CARD14: variants seen among roughly 807,000 people sequenced by gnomAD.
The protein encoded by CARD14 is caspase recruitment domain family member 14.
A neutral mutation model predicts 111.5 loss-of-function variants in CARD14; 107 were observed. The ratio of observed to expected loss-of-function variants is 0.96; its 90% CI spans 0.82 to 1.13. The LOEUF (loss-of-function observed/expected upper bound fraction) is 1.13, where lower values mean the gene tolerates loss of function less well. Ranked by LOEUF, CARD14 falls within the 50% of genes most tolerant of loss-of-function variation. CARD14 has a pLI of 0.00. For missense variants in CARD14, 1,322 were observed against 1,362.3 expected (o/e 0.97, Z 0.47); for synonymous variants, 617 against 579.6 (o/e 1.06, Z -0.93).
chr17:80,201,744 G>T lies in CARD14; in HGVS notation c.1852G>T (p.Val618Phe). 6.2e-7 allele frequency: 1 copy of T among 1,614,028 alleles called. No homozygotes were observed. The highest frequency in any genetic ancestry group is 8.5e-7 in the Non-Finnish European group (1 of 1,179,970). Residue 618 changes from valine to phenylalanine, a missense_variant and splice_region_variant, in exon 17 of 24, where the codon GTT (valine) becomes TTT (phenylalanine). By Grantham distance (50) the Val-to-Phe change is conservative. Transcript: ENST00000648509. The surrounding 1 kb of genome is among the most constrained non-coding windows in gnomAD (Gnocchi z 5.0). ...ALRPGTQIVM[V>F]DYEASEPLFK... ...ACTGACCTTCTCGACTTGCCCTCAGGTTGATTACGAAGCCTCAGAGCCCTT... is the reference window on the plus strand; with the variant it reads ...ACTGACCTTCTCGACTTGCCCTCAGTTTGATTACGAAGCCTCAGAGCCCTT...
intron 7 of CARD14, chr17:80,187,895 T>G: frequency 1.0e-6 from 1 of 985,636 alleles, no homozygotes; most frequent in South Asian, 4.7e-5. Context: ...AGCTTTGCTG[T>G]CTGAACAGCC....
intron 23 of CARD14, among the ~76,000 whole-genome samples, chr17:80,207,854 C>T (rs569089916): frequency 2.9e-4 from 44 of 151,174 alleles, no homozygotes; most frequent in Non-Finnish European, 4.9e-4. Flanking sequence ...TAATCCTTGT[C>T]GGCTAAGGAC....
At chr17:80,190,970 A>G in intron 10 of CARD14, 71 bp downstream of exon 10, 8 of 1,560,912 alleles carry the variant, frequency 5.1e-6, no homozygotes, top group Non-Finnish European at 6.9e-6. Flanking sequence ...TTCCGGGGAC[A>G]GTCTCGTGGC....
chr17:80,205,097 C>T lies in CARD14; in HGVS notation c.2461C>T (p.Pro821Ser). ...CCTGGTGCCCTATACCCTGGTGCGG[C>T]CCCATCGACCCGCCCGGCCCCGGCC... ...LTLVPYTLVR[P>S]HRPARPRPVL... Residue 821 changes from proline (P) to serine (S), a missense_variant, in exon 21 of 24, where the codon CCC becomes TCC. By Grantham distance (74) the Pro-to-Ser change is moderately conservative. Transcript: ENST00000648509. 1.2e-6 allele frequency: 2 copies of T among 1,613,352 alleles called. No individual in the cohort carries two copies. The highest frequency in any genetic ancestry group is 1.7e-6 in the Non-Finnish European group (2 of 1,179,810).
At chr17:80,200,061 C>T (rs902297807) in intron 16 of CARD14, among the ~76,000 whole-genome samples, 11 of 151,696 alleles carry the variant, frequency 7.3e-5, no homozygotes, top group East Asian at 1.9e-4. Flanking sequence ...GGAGAGGATG[C>T]GTCTGAACCC....
chr17:80,190,391 T>C (rs1255267876), intron 9 of CARD14, among the ~76,000 whole-genome samples: 5 of 151,906 alleles, frequency 3.3e-5, no homozygotes, highest in Non-Finnish European at 7.4e-5. Flanking sequence ...GGCAGGCGGA[T>C]CACTTGAGGT....
At position 80,189,308 on chromosome 17, in the gene CARD14, T is replaced by C. The variant is rs1304402423; in HGVS notation, c.844-445T>C. Among the ~76,000 whole-genome samples, 1 of 152,162 alleles carries C rather than the reference T, an allele frequency of 6.6e-6. No homozygotes were observed. The highest frequency in any genetic ancestry group is 1.9e-4 in the East Asian group (1 of 5,192). On this transcript the variant is annotated intron_variant, in intron 8 of 23. Transcript: ENST00000648509. The surrounding 1 kb of genome is among the most constrained non-coding windows in gnomAD (Gnocchi z 4.7). ...CTCCTCCTCGGCCCCTCTCAGTAGATTGGTATTTATTGAGATATTCCTTCC... is the reference window on the plus strand; with the variant it reads ...CTCCTCCTCGGCCCCTCTCAGTAGACTGGTATTTATTGAGATATTCCTTCC...
chr17:80,201,634 C>G lies in CARD14; in HGVS notation c.1852-110C>G. 8.6e-7 allele frequency: 1 copy of G among 1,160,236 alleles called. No homozygotes were observed. The highest frequency in any genetic ancestry group is 1.3e-6 in the Non-Finnish European group (1 of 776,668). The allele number at this position is 1,160,236 out of a possible 1,614,324, so 71.9% of individuals were successfully genotyped here. On this transcript the variant is annotated intron_variant, in intron 16 of 23. Coordinates refer to ENST00000648509, the MANE Select transcript of CARD14 (RefSeq NM_001366385.1). The surrounding 1 kb of genome is among the most constrained non-coding windows in gnomAD (Gnocchi z 5.0). Reference sequence around the variant, plus strand: ...TGACCAAGGCGTGCAGGCAGTGGTCCTACGGCAGGGCTGGCCCGCGCCTCG... The same window carrying G: ...TGACCAAGGCGTGCAGGCAGTGGTCGTACGGCAGGGCTGGCCCGCGCCTCG...
At chr17:80,194,427 G>A (rs2040637492) in intron 12 of CARD14, among the ~76,000 whole-genome samples, 1 of 152,206 alleles carries the variant, frequency 6.6e-6, no homozygotes, top group Non-Finnish European at 1.5e-5. Flanking sequence ...ACATCTGGTG[G>A]CCTCAGCGCC....
At chr17:80,187,993 C>T in intron 7 of CARD14, 1 of 986,428 alleles carries the variant, frequency 1.0e-6, no homozygotes, top group Non-Finnish European at 1.2e-6. Context: ...TCCAAATTCC[C>T]TTTCTTGATG....
chr17:80,205,013 C>G (rs1237882781), intron 20 of CARD14, 22 bp from the exon 21 acceptor site: 2 of 1,538,042 alleles, frequency 1.3e-6, no homozygotes, highest in African/African-American at 1.4e-5. Context: ...CTCACCCACC[C>G]TCAGGATCCT....
chr17:80,208,606 A>G lies in CARD14; in HGVS notation c.*261A>G, dbSNP rs2041484973. The G allele has an allele frequency of 2.4e-6, 1 of 418,516 alleles. No individual in the cohort carries two copies. 25.9% of individuals were successfully genotyped at this position (418,516 alleles called of 1,614,324 possible). ...ATGGTCTGAACTGGAAACCCTGAGAATGTTTCTGCAGTGGGACAGGAGGGA... is the reference window on the plus strand; with the variant it reads ...ATGGTCTGAACTGGAAACCCTGAGAGTGTTTCTGCAGTGGGACAGGAGGGA... On this transcript the variant is annotated 3_prime_UTR_variant, in exon 24 of 24. Transcript: ENST00000648509.
intron 1 of CARD14, among the ~76,000 whole-genome samples, chr17:80,171,372 G>C (rs1444481548): frequency 1.3e-5 from 2 of 149,490 alleles, no homozygotes; most frequent in Non-Finnish European, 3.0e-5. Flanking sequence ...AGGCTGGAGG[G>C]CAGTGGCACA....
chr17:80,199,312 ACC>A (rs1283669803), intron 16 of CARD14, among the ~76,000 whole-genome samples: 1 of 151,152 alleles, frequency 6.6e-6, no homozygotes, highest in Non-Finnish European at 1.5e-5. Context: ...ACACGGCGAA[ACC>A]CCGTCTCTAC....
intron 7 of CARD14, chr17:80,187,900 A>G: frequency 1.0e-6 from 1 of 985,680 alleles, no homozygotes. Context: ...TGCTGTCTGA[A>G]CAGCCCCGGT....
At position 80,189,810 on chromosome 17, in the gene CARD14, C is replaced by G; in HGVS notation, c.901C>G (p.Leu301Val). ...LDEARGSRQE[L>V]VERIHSLRER... ...CGAGGCGCGGGGGAGCCGACAGGAGCTGGTGGAGCGCATCCACTCGCTGCG... is the reference window on the plus strand; with the variant it reads ...CGAGGCGCGGGGGAGCCGACAGGAGGTGGTGGAGCGCATCCACTCGCTGCG... The change falls in exon 9 of 24, where the codon CTG becomes GTG. Residue 301 changes from leucine (L) to valine (V), a missense_variant. Transcript: ENST00000648509. The surrounding 1 kb of genome is among the most constrained non-coding windows in gnomAD (Gnocchi z 4.7). 1 of 1,583,890 alleles carries G rather than the reference C, an allele frequency of 6.3e-7. No individual in the cohort carries two copies. The highest frequency in any genetic ancestry group is 2.3e-5 in the East Asian group (1 of 42,572).
chr17:80,204,146 TG>T lies in CARD14; in HGVS notation c.2284-80del, dbSNP rs1474661901. 5.0e-6 allele frequency: 7 copies of T among 1,393,200 alleles called. No individual in the cohort carries two copies. In the African/African-American group the frequency reaches 1.0e-4, roughly 20 times the overall value. The allele number at this position is 1,393,200 out of a possible 1,614,324, so 86.3% of individuals were successfully genotyped here. Reference sequence around the variant, plus strand: ...CTGCATCACTCCCAGGTCGCCCTAGTGCCAATCATCTCCCCTGAATTCCCAT... The same window carrying T: ...CTGCATCACTCCCAGGTCGCCCTAGTCCAATCATCTCCCCTGAATTCCCAT... On this transcript the variant is annotated intron_variant, in intron 19 of 23. Transcript: ENST00000648509.
intron 5 of CARD14, among the ~76,000 whole-genome samples, 199 bp downstream of exon 5, chr17:80,181,848 C>CA (rs1197000603): frequency 2.0e-5 from 3 of 152,222 alleles, no homozygotes; most frequent in African/African-American, 4.8e-5. Context: ...GCCCTTTTCC[C>CA]AAAAAAGGTC....
rs898799559 is a variant in CARD14, at chr17:80,182,063, G to A, written c.211+414G>A. On this transcript the variant is annotated intron_variant, in intron 5 of 23. Transcript: ENST00000648509. The surrounding 1 kb of genome is among the most constrained non-coding windows in gnomAD (Gnocchi z 4.7). ...CACTCACTGCAAAGCTGGGGCCATA[G>A]AAAACAGGCAGTAGGTGGTAGCTGT... 6.6e-6 allele frequency among the ~76,000 whole-genome samples: 1 copy of A among 152,220 alleles called. No homozygotes were observed. The highest frequency in any genetic ancestry group is 2.4e-5 in the African/African-American group (1 of 41,460).
Sources: gnomAD v4.1 joint callset for allele counts (sites outside exome capture counted in the v4.1 genomes callset) on GRCh38, gnomAD v4.1.1 for gene constraint, Gnocchi (gnomAD v3.1) non-coding constraint, MANE v1.5 for transcripts, NCBI Gene and HGNC (gene_info 2026-07-23, HGNC 2026-07-21) for gene names.